The following SHISA9 variants were observed in gnomAD, a reference collection of about 807,000 sequenced individuals.
SHISA9 encodes protein shisa-9.
SHISA9 carries 13 observed loss-of-function variants against 38.0 expected under a neutral mutation model. The ratio of observed to expected loss-of-function variants is 0.34; its 90% CI spans 0.22 to 0.54. The LOEUF is 0.54. SHISA9 is among the 20% of genes least tolerant of loss of function. The pLI, the probability that SHISA9 is intolerant of heterozygous loss-of-function variation, is 0.91. For synonymous variants in SHISA9, 275 were observed against 242.0 expected, an observed-to-expected ratio of 1.14 and a Z score of -1.27; for missense variants, 538 against 575.8, an observed-to-expected ratio of 0.93 and a Z score of 0.67.
At chr16:13,483,309 C>G in the SHISA9 span, among the ~76,000 whole-genome samples, 2 of 152,104 alleles carry the variant, frequency 1.3e-5, no homozygotes, top group African/African-American at 4.8e-5. Flanking sequence ...TTTCATGACT[C>G]AGAGATACTG....
the SHISA9 span, among the ~76,000 whole-genome samples, chr16:13,284,744 C>T: frequency 3.3e-5 from 5 of 152,066 alleles, no homozygotes; most frequent in Admixed American, 6.6e-5. Flanking sequence ...ATTACAGGTA[C>T]GTGCCACCAT....
chr16:13,070,156 A>ATGTGTGTGTG (rs761815708), intron 2 of SHISA9, among the ~76,000 whole-genome samples: 56 of 148,100 alleles, frequency 3.8e-4, no homozygotes, highest in Middle Eastern at 3.4e-3. Flanking sequence ...GTGTGTGTGC[A>ATGTGTGTGTG]CGCATGTGTC....
chr16:13,534,648 G>T, the SHISA9 span, among the ~76,000 whole-genome samples: 1 of 152,158 alleles, frequency 6.6e-6, no homozygotes, highest in Non-Finnish European at 1.5e-5. Context: ...ACATCTCCCT[G>T]TGTGAAAACA....
the SHISA9 span, among the ~76,000 whole-genome samples, chr16:13,451,194 C>G: frequency 1.3e-5 from 2 of 152,162 alleles, no homozygotes; most frequent in Admixed American, 6.5e-5. Context: ...CATGCTGGCT[C>G]TTGGAGTTCC....
At chr16:13,313,526 G>A in the SHISA9 span, among the ~76,000 whole-genome samples, 2 of 152,138 alleles carry the variant, frequency 1.3e-5, no homozygotes, top group African/African-American at 4.8e-5. Context: ...AACTTCAAAT[G>A]AAAATGCTTA....
intron 2 of SHISA9, among the ~76,000 whole-genome samples, chr16:13,149,480 G>T (rs972883481): frequency 6.6e-6 from 1 of 152,172 alleles, no homozygotes; most frequent in Non-Finnish European, 1.5e-5. Context: ...TAGCGTAGTG[G>T]TTAATCACAG....
At chr16:13,244,448 C>T (rs988859462), downstream of SHISA9, among the ~76,000 whole-genome samples, 2 of 152,154 alleles carry the variant, frequency 1.3e-5, no homozygotes, top group African/African-American at 4.8e-5. Context: ...GATCCACTTC[C>T]ACTTAATAAA....
At chr16:13,530,240 G>T in the SHISA9 span, among the ~76,000 whole-genome samples, 1 of 152,226 alleles carries the variant, frequency 6.6e-6, no homozygotes. Flanking sequence ...GGCAGAGGTT[G>T]CAGTGAGCTG....
At chr16:13,538,961 G>C in the SHISA9 span, among the ~76,000 whole-genome samples, 1 of 152,080 alleles carries the variant, frequency 6.6e-6, no homozygotes, top group Admixed American at 6.6e-5. Context: ...TTGAGAAACA[G>C]AATGCCTTCA....
At chr16:12,947,762 G>T (rs1449711810) in intron 2 of SHISA9, among the ~76,000 whole-genome samples, 1 of 152,174 alleles carries the variant, frequency 6.6e-6, no homozygotes, top group Non-Finnish European at 1.5e-5. Flanking sequence ...CCCCTTGAAG[G>T]TATCAGTGTA....
At chr16:13,291,501 T>C in the SHISA9 span, among the ~76,000 whole-genome samples, 1 of 152,194 alleles carries the variant, frequency 6.6e-6, no homozygotes, top group African/African-American at 2.4e-5. Flanking sequence ...ACTTTATGTA[T>C]TGCCTCTTTT....
chr16:13,460,744 G>C, the SHISA9 span, among the ~76,000 whole-genome samples: 1 of 152,182 alleles, frequency 6.6e-6, no homozygotes, highest in Non-Finnish European at 1.5e-5. Context: ...CATATTATGG[G>C]CAGAATCTGC....
the SHISA9 span, chr16:13,331,556 G>A: frequency 6.6e-6 from 1 of 152,114 alleles, no homozygotes; most frequent in Non-Finnish European, 1.5e-5. Flanking sequence ...TCCATAGAGT[G>A]TGTTAATTTT....
At chr16:13,400,676 T>A in the SHISA9 span, among the ~76,000 whole-genome samples, 1 of 152,156 alleles carries the variant, frequency 6.6e-6, no homozygotes. Context: ...AGTGGATGAT[T>A]CATTCCAATA....
intron 2 of SHISA9, among the ~76,000 whole-genome samples, chr16:13,153,273 A>AT (rs1368005709): frequency 2.0e-5 from 3 of 152,078 alleles, no homozygotes; most frequent in African/African-American, 2.4e-5. Context: ...CTCAACCAGA[A>AT]AAAAAAAACA....
intron 2 of SHISA9, among the ~76,000 whole-genome samples, chr16:13,093,093 CG>C (rs2073791912): frequency 6.6e-6 from 1 of 152,054 alleles, no homozygotes; most frequent in South Asian, 2.1e-4. Context: ...TGAAGTTTCC[CG>C]GGGGCATAGA....
chr16:12,912,269 A>G (rs559560561), intron 1 of SHISA9, among the ~76,000 whole-genome samples: 17 of 152,208 alleles, frequency 1.1e-4, no homozygotes, highest in Admixed American at 6.5e-4. Flanking sequence ...CACTCTAGGA[A>G]GGGCTGCCCT....
the SHISA9 span, among the ~76,000 whole-genome samples, chr16:13,491,820 T>C: frequency 5.2e-5 from 2 of 38,396 alleles, no homozygotes; most frequent in Non-Finnish European, 1.2e-4. Flanking sequence ...TTATTGACCT[T>C]TTTTTTTTTT....
chr16:13,155,752 G>A (rs1221621134), intron 2 of SHISA9, among the ~76,000 whole-genome samples: 1 of 152,104 alleles, frequency 6.6e-6, no homozygotes, highest in African/African-American at 2.4e-5. Context: ...AATTCCATTT[G>A]GTGAAGTCCA....
Sources: gnomAD v4.1 joint callset for allele counts (sites outside exome capture counted in the v4.1 genomes callset) on GRCh38, gnomAD v4.1.1 for gene constraint, MANE v1.5 for transcripts, NCBI Gene and HGNC (gene_info 2026-07-23, HGNC 2026-07-21) for gene names.